ATP8A1: variants seen among roughly 807,000 people sequenced by gnomAD.
ATP8A1 encodes the protein phospholipid-transporting ATPase IA.
In ATP8A1, 90 loss-of-function variants were observed where a neutral mutation model predicts 177.7. The observed-to-expected ratio is 0.51, with a 90% confidence interval of 0.43 to 0.60. ATP8A1 has a LOEUF of 0.60. Ranked by LOEUF, ATP8A1 falls within the 20% of genes least tolerant of loss-of-function variation. ATP8A1 has a pLI of 0.00. For missense variants in ATP8A1, 1,072 were observed against 1,392.8 expected, an observed-to-expected ratio of 0.77 and a Z score of 3.67; for synonymous variants, 493 against 485.9, an observed-to-expected ratio of 1.01 and a Z score of -0.19.
rs960643110 is a variant in ATP8A1, at chr4:42,596,216, A to G, written c.450+4262T>C. Among the ~76,000 whole-genome samples the G allele has an allele frequency of 1.5e-4, 23 of 152,214 alleles. 1 individual carries two copies. Among genetic ancestry groups the G allele is most frequent in the African/African-American group, 5.5e-4 (23 of 41,460 alleles). On this transcript the variant is annotated intron_variant, in intron 6 of 36. Coordinates refer to ENST00000381668, the MANE Select transcript of ATP8A1 (RefSeq NM_006095.2). ...AATCATACATATTCTAATTGGAGGAATGTCATGATAAAGCAATTTTAGTCC... is the reference window on the plus strand; with the variant it reads ...AATCATACATATTCTAATTGGAGGAGTGTCATGATAAAGCAATTTTAGTCC...
Position 42,488,387 on chromosome 4 carries a change from T to C in ATP8A1, c.2152-2719A>G, listed in dbSNP as rs1330133753. On this transcript the variant is annotated intron_variant, in intron 24 of 36. Coordinates refer to ENST00000381668, the MANE Select transcript of ATP8A1 (RefSeq NM_006095.2). Reference sequence around the variant, plus strand: ...TTCTGCGGTAGCCTGTCTTTTTCTATGCAATCCAGCAAAAAAAAAAACAAC... The same window carrying C: ...TTCTGCGGTAGCCTGTCTTTTTCTACGCAATCCAGCAAAAAAAAAAACAAC... Among the ~76,000 whole-genome samples the C allele has an allele frequency of 4.0e-5, 6 of 151,412 alleles. No individual in the cohort carries two copies. In the South Asian group the frequency reaches 8.3e-4, roughly 21 times the overall value.
intron 19 of ATP8A1, among the ~76,000 whole-genome samples, chr4:42,544,344 T>G (rs1477366440): frequency 1.3e-5 from 2 of 152,188 alleles, no homozygotes; most frequent in Non-Finnish European, 2.9e-5. Flanking sequence ...TGTTATAGTT[T>G]TTATGAAAAA....
chr4:42,446,507 T>A, intron 31 of ATP8A1, 76 bp downstream of exon 31: 1 of 1,475,156 alleles, frequency 6.8e-7, no homozygotes, highest in East Asian at 2.3e-5. Context: ...ATATCACGTT[T>A]AAATTTAAAA....
At chr4:42,604,576 T>C (rs1486515687) in intron 5 of ATP8A1, among the ~76,000 whole-genome samples, 1 of 152,200 alleles carries the variant, frequency 6.6e-6, no homozygotes, top group Non-Finnish European at 1.5e-5. Context: ...AAAAATAACA[T>C]AAACATGACA....
intron 24 of ATP8A1, among the ~76,000 whole-genome samples, chr4:42,501,530 A>G (rs1391781773): frequency 1.3e-5 from 2 of 152,250 alleles, no homozygotes; most frequent in East Asian, 1.9e-4. Flanking sequence ...TTCCTAAGAC[A>G]TTATATTCCT....
Position 42,627,046 on chromosome 4 carries a change from G to A in ATP8A1, c.113C>T (p.Thr38Ile). The A allele has an allele frequency of 1.9e-6, 3 of 1,614,118 alleles. No homozygotes were observed. The highest frequency in any genetic ancestry group is 2.5e-6 in the Non-Finnish European group (3 of 1,179,984). ...TSLADQEEVR[T>I]IFINQPQLTK... is the part of the protein sequence containing the mutation. ...CAGCTGGGGCTGGTTGATGAAAATA[G>A]TCCTTACTTCCTCCTGGTCAGCCAG... The change falls in exon 2 of 37, where the codon ACT becomes ATT. Residue 38 changes from threonine (T) to isoleucine (I), a missense_variant. Physicochemically the swap from Thr to Ile is moderately conservative, Grantham distance 89 (BLOSUM62 -1). Transcript: ENST00000381668.
chr4:42,632,969 T>C (rs924464289), intron 1 of ATP8A1, among the ~76,000 whole-genome samples: 19 of 152,142 alleles, frequency 1.2e-4, no homozygotes, highest in African/African-American at 3.1e-4. Context: ...AAGAAATCAA[T>C]AGTTTTGTTC....
chr4:42,643,953 AAGC>A, intron 1 of ATP8A1, among the ~76,000 whole-genome samples: 1 of 152,342 alleles, frequency 6.6e-6, no homozygotes, highest in South Asian at 2.1e-4. Context: ...AGATAGCTTC[AAGC>A]GTAGTTATGT....
chr4:42,413,105 A>T, intron 36 of ATP8A1, 92 bp from the exon 37 acceptor site: 1 of 968,098 alleles, frequency 1.0e-6, no homozygotes, highest in Non-Finnish European at 1.6e-6. Flanking sequence ...AGCCTGGGGA[A>T]CAAATGCAGC....
intron 27 of ATP8A1, among the ~76,000 whole-genome samples, chr4:42,462,737 C>T (rs373738834): frequency 4.6e-5 from 7 of 152,230 alleles, no homozygotes; most frequent in Non-Finnish European, 1.0e-4. Flanking sequence ...AATGGTAGAT[C>T]CACTGACTGC....
intron 25 of ATP8A1, among the ~76,000 whole-genome samples, chr4:42,476,313 T>C (rs1578011095): frequency 6.6e-6 from 1 of 152,004 alleles, no homozygotes; most frequent in South Asian, 2.1e-4. Context: ...AAACTAAAGC[T>C]GTAAAGTTAA....
intron 1 of ATP8A1, among the ~76,000 whole-genome samples, chr4:42,632,043 T>C (rs1190217984): frequency 6.6e-6 from 1 of 152,226 alleles, no homozygotes; most frequent in Non-Finnish European, 1.5e-5. Flanking sequence ...CATCCACTAA[T>C]GGCATTATTA....
chr4:42,516,345 A>G (rs1725531112), intron 22 of ATP8A1, among the ~76,000 whole-genome samples: 1 of 150,492 alleles, frequency 6.6e-6, no homozygotes, highest in Non-Finnish European at 1.5e-5. Flanking sequence ...CCTCTAACCC[A>G]TAACCTATTT....
chr4:42,530,085 T>C (rs1325439825), intron 20 of ATP8A1, among the ~76,000 whole-genome samples: 2 of 152,156 alleles, frequency 1.3e-5, no homozygotes, highest in African/African-American at 2.4e-5. Context: ...GTGGATAGGA[T>C]GAACTGTTCT....
At chr4:42,599,810 C>T (rs527318946) in intron 6 of ATP8A1, among the ~76,000 whole-genome samples, 68 of 152,160 alleles carry the variant, frequency 4.5e-4, no homozygotes, top group South Asian at 8.3e-4. Context: ...AAGTCTTTTA[C>T]CAAGTTACCA....
At chr4:42,633,588 TAAAC>T (rs1331385744) in intron 1 of ATP8A1, among the ~76,000 whole-genome samples, 1 of 152,050 alleles carries the variant, frequency 6.6e-6, no homozygotes, top group Non-Finnish European at 1.5e-5. Context: ...AGGAAGAAAA[TAAAC>T]AAGTGATTGT....
At chr4:42,487,662 T>C (rs1722332922) in intron 24 of ATP8A1, among the ~76,000 whole-genome samples, 1 of 152,188 alleles carries the variant, frequency 6.6e-6, no homozygotes, top group African/African-American at 2.4e-5. Context: ...GGTCATTTTG[T>C]AGTTATTTCA....
rs139151630 is a variant in ATP8A1 at position 42,594,780 on chromosome 4, C to G, written c.451-3896G>C. 5.0e-3 allele frequency among the ~76,000 whole-genome samples: 768 copies of G among 152,188 alleles called. 8 individuals are homozygous for G. The highest frequency in any genetic ancestry group is 0.016 in the South Asian group (76 of 4,818). ...GAAACAAGTATTGCTTATAACTCAT[C>G]ATTTGGAGAGAAAGAAAATGAGTTT... On this transcript the variant is annotated intron_variant, in intron 6 of 36. Transcript: ENST00000381668.
chr4:42,603,785 GT>G (rs1277977055), intron 5 of ATP8A1, among the ~76,000 whole-genome samples: 1 of 152,172 alleles, frequency 6.6e-6, no homozygotes, highest in Non-Finnish European at 1.5e-5. Context: ...CCTCAGGCTA[GT>G]TTCCTGCATT....
Sources: allele counts gnomAD v4.1 joint callset (sites outside exome capture counted in the v4.1 genomes callset), GRCh38; gene constraint gnomAD v4.1.1; transcripts MANE v1.5; gene names NCBI Gene and HGNC (gene_info 2026-07-23, HGNC 2026-07-21).